KCNC4: variants seen among roughly 807,000 people sequenced by gnomAD.
KCNC4 encodes potassium voltage-gated channel subfamily C member 4, also known as voltage-gated potassium channel KCNC4.
Under a neutral mutation model 42.8 loss-of-function variants are expected in KCNC4, and 23 were observed. The ratio of observed to expected loss-of-function variants is 0.54; its 90% CI spans 0.39 to 0.76. The LOEUF (loss-of-function observed/expected upper bound fraction) is 0.76. Among genes scored for constraint, KCNC4 ranks in the 30% least tolerant of loss-of-function variants. The pLI is 0.00. For synonymous variants in KCNC4, 422 were observed against 393.5 expected (o/e 1.07, Z -0.86); for missense variants, 751 against 898.2 (o/e 0.84, Z 2.10).
chr1:110,268,730 A>ATT (rs1312990388), intron 1 of KCNC4, among the ~76,000 whole-genome samples: 10 of 132,338 alleles, frequency 7.6e-5, no homozygotes, highest in East Asian at 4.3e-4. Flanking sequence ...CTGAGATTTT[A>ATT]TTTTTTTTTT....
chr1:110,280,133 C>T (rs923767191), intron 1 of KCNC4, among the ~76,000 whole-genome samples: 4 of 152,084 alleles, frequency 2.6e-5, no homozygotes, highest in African/African-American at 9.7e-5. Flanking sequence ...GCTTTGTAAA[C>T]ATTGACCCAC....
intron 1 of KCNC4, among the ~76,000 whole-genome samples, chr1:110,272,014 T>C (rs1216055319): frequency 6.6e-6 from 1 of 152,194 alleles, no homozygotes; most frequent in Non-Finnish European, 1.5e-5. Flanking sequence ...TTCCCTAAAG[T>C]TGTGGACCTC....
chr1:110,249,360 CTG>C (rs1274977724), downstream of KCNC4, among the ~76,000 whole-genome samples: 13 of 152,334 alleles, frequency 8.5e-5, no homozygotes, highest in South Asian at 2.7e-3. Context: ...AGGCTGGTAA[CTG>C]AGGGTGAAAG....
chr1:110,281,234 T>C (rs1277066960), intron 1 of KCNC4, among the ~76,000 whole-genome samples: 1 of 152,018 alleles, frequency 6.6e-6, no homozygotes, highest in Non-Finnish European at 1.5e-5. Context: ...GGTGGTTTGC[T>C]GTGGGTTTCT....
downstream of KCNC4, chr1:110,236,291 TGTCAGGTCATTTCTCCAAA>T (rs1445076513): frequency 6.6e-6 from 1 of 152,194 alleles, no homozygotes; most frequent in African/African-American, 2.4e-5. Flanking sequence ...AACACAACAA[TGTCAGGTCATTTCTCCAAA>T]GTCACACAGC....
exon 4 of KCNC4, chr1:110,241,534 T>G (rs1315583602): frequency 2.0e-5 from 3 of 152,148 alleles, no homozygotes; most frequent in Non-Finnish European, 4.4e-5. Flanking sequence ...TGGGTCAAAT[T>G]AGGGGCCAGA....
intron 1 of KCNC4, among the ~76,000 whole-genome samples, chr1:110,268,733 T>TA (rs1161802091): frequency 4.6e-4 from 67 of 145,922 alleles, no homozygotes; most frequent in Admixed American, 3.7e-3. Context: ...AGATTTTATT[T>TA]TTTTTTTTTT....
At chr1:110,273,468 G>A (rs904315152) in intron 1 of KCNC4, among the ~76,000 whole-genome samples, 2 of 152,142 alleles carry the variant, frequency 1.3e-5, no homozygotes, top group African/African-American at 4.8e-5. Context: ...AGGGACCCTG[G>A]GTTATCATCT....
chr1:110,272,543 G>T (rs1659652798), intron 1 of KCNC4: 2 of 152,168 alleles, frequency 1.3e-5, no homozygotes, highest in African/African-American at 4.8e-5. Context: ...GTTATAATAA[G>T]ATTGAAATTT....
rs1292600140 is a variant in KCNC4 at position 110,211,810 on chromosome 1, C to T, written c.311C>T (p.Ala104Val). 2 of 1,611,400 alleles carry T rather than the reference C, an allele frequency of 1.2e-6. No individual in the cohort carries two copies. The highest frequency in any genetic ancestry group is 1.3e-5 in the African/African-American group (1 of 74,854). The change falls in exon 1 of 4, where the codon GCC becomes GTC. Residue 104 changes from alanine (A) to valine (V), a missense_variant. This residue lies in a region of KCNC4 where 183 missense variants were observed against 255.8 expected (regional missense o/e 0.72). Coordinates refer to ENST00000438661, the MANE Select transcript of KCNC4 (RefSeq NM_001039574.3). The surrounding 1 kb of genome is among the most constrained non-coding windows in gnomAD (Gnocchi z 6.5). ...FFFDRHPGVF[A>V]YVLNYYRTGK... is the part of the protein sequence containing the mutation. ...TTCGACAGGCACCCGGGCGTCTTCG[C>T]CTACGTGCTCAACTACTACCGCACC...
At chr1:110,225,844 C>A in intron 2 of KCNC4, 131 bp from the exon 3 acceptor site, 1 of 834,942 alleles carries the variant, frequency 1.2e-6, no homozygotes. Context: ...GGCAATGCTG[C>A]CTCTCAGGTA....
chr1:110,240,346 C>T (rs928191031), exon 4 of KCNC4: 10 of 152,168 alleles, frequency 6.6e-5, no homozygotes, highest in Admixed American at 2.6e-4. Flanking sequence ...TCTGCAGGGA[C>T]GAGAGCCCAG....
chr1:110,212,192 C>A lies in KCNC4; in HGVS notation c.678+15C>A. 1 of 1,458,054 alleles carries A rather than the reference C, an allele frequency of 6.9e-7. No homozygotes were observed. Among genetic ancestry groups the A allele is most frequent in the South Asian group, 1.5e-5 (1 of 68,796 alleles). The allele number at this position is 1,458,054 out of a possible 1,614,324, so 90.3% of individuals were successfully genotyped here. A position where few individuals can be genotyped will look rare whatever the true frequency, so the allele number is the denominator to read the frequency against. On this transcript the variant is annotated intron_variant, in intron 1 of 3. Transcript: ENST00000438661. ...GGGCCGCTAGGGTGAGTGGCAGGAG[C>A]CCGTGTCTCCCCATCTTGGGTCTGC...
chr1:110,278,910 A>G (rs1290398151), intron 1 of KCNC4, among the ~76,000 whole-genome samples: 1 of 152,116 alleles, frequency 6.6e-6, no homozygotes, highest in Non-Finnish European at 1.5e-5. Flanking sequence ...GTCTGTCAGC[A>G]TGCCACTCAG....
Position 110,210,719 on chromosome 1 carries a change from T to TGCGCC in KCNC4, c.-780_-776dup. 6.6e-6 allele frequency among the ~76,000 whole-genome samples: 1 copy of TGCGCC among 151,120 alleles called. No individual in the cohort carries two copies. Among genetic ancestry groups the TGCGCC allele is most frequent in the Middle Eastern group, 3.4e-3 (1 of 290 alleles). ...CGCCCCAGCGCGGCCCCCGCAGCGC[T>TGCGCC]GCGCCCGGTCCGGCGCAGCTCCCAG... is the stretch of plus-strand genomic sequence containing the variant. On this transcript the variant is annotated 5_prime_UTR_variant, in exon 1 of 4. An upstream open reading frame in the 5' UTR gains an earlier in-frame stop. Transcript: ENST00000438661.
At chr1:110,259,955 A>C (rs1659396600) in intron 1 of KCNC4, among the ~76,000 whole-genome samples, 1 of 152,160 alleles carries the variant, frequency 6.6e-6, no homozygotes, top group Admixed American at 6.5e-5. Context: ...CCTCAGGCTC[A>C]CTTCCTCTTA....
In KCNC4 at chr1:110,233,098, T is replaced by A; in HGVS notation, c.*126T>A. On this transcript the variant is annotated 3_prime_UTR_variant, in exon 4 of 4. Transcript: ENST00000438661. ...GATATCCTTGTTTGCACAGGACTGGTGGAAAATCTCCCATGCGACCCTCGG... is the reference window on the plus strand; with the variant it reads ...GATATCCTTGTTTGCACAGGACTGGAGGAAAATCTCCCATGCGACCCTCGG... 7.9e-7 allele frequency: 1 copy of A among 1,267,008 alleles called. No homozygotes were observed. The highest frequency in any genetic ancestry group is 1.1e-6 in the Non-Finnish European group (1 of 909,786). The allele number at this position is 1,267,008 out of a possible 1,614,324, so 78.5% of individuals were successfully genotyped here.
chr1:110,212,697 G>A (rs139388387), intron 1 of KCNC4, among the ~76,000 whole-genome samples: 85 of 152,276 alleles, frequency 5.6e-4, no homozygotes, highest in African/African-American at 2.0e-3. Context: ...TCAGAGAGGA[G>A]GATATAGGCT....
At chr1:110,280,573 T>G (rs1659804421) in intron 1 of KCNC4, among the ~76,000 whole-genome samples, 1 of 152,116 alleles carries the variant, frequency 6.6e-6, no homozygotes, top group Non-Finnish European at 1.5e-5. Flanking sequence ...CCTGGTCCGC[T>G]GCCCACAATC....
Sources: gnomAD v4.1 joint callset for allele counts (sites outside exome capture counted in the v4.1 genomes callset) on GRCh38, gnomAD v4.1.1 for gene constraint, gnomAD v4.1.1 regional missense constraint, Gnocchi (gnomAD v3.1) non-coding constraint, MANE v1.5 for transcripts, NCBI Gene and HGNC (gene_info 2026-07-23, HGNC 2026-07-21) for gene names.